CDK12: variants seen among roughly 807,000 people sequenced by gnomAD.
CDK12 encodes the protein cyclin dependent kinase 12, also known as cyclin-dependent kinase 12.
CDK12 carries 17 observed loss-of-function variants against 133.8 expected under a neutral mutation model. The ratio of observed to expected loss-of-function variants is 0.13; its 90% confidence interval spans 0.09 to 0.19. The LOEUF (loss-of-function observed/expected upper bound fraction) is 0.19, where lower values mean the gene tolerates loss of function less well. Ranked by LOEUF, CDK12 falls within the 10% of genes least tolerant of loss-of-function variation. The probability of loss-of-function intolerance (pLI) is 1.00; values close to 1 mark genes in which losing one functional copy is unlikely to be tolerated. For synonymous variants in CDK12, 694 were observed against 683.6 expected, an observed-to-expected ratio of 1.02 and a Z score of -0.24; for missense variants, 1,508 against 1,818.7, an observed-to-expected ratio of 0.83 and a Z score of 3.11.
chr17:39,488,110 C>T (rs188121901), intron 2 of CDK12, among the ~76,000 whole-genome samples: 138 of 151,844 alleles, frequency 9.1e-4, no homozygotes, highest in African/African-American at 3.0e-3. Flanking sequence ...TGGTGTGTGC[C>T]GTGGTCCCAG....
chr17:39,559,432 T>C (rs978332213), intron 3 of CDK12, among the ~76,000 whole-genome samples: 8 of 152,270 alleles, frequency 5.3e-5, no homozygotes, highest in African/African-American at 1.7e-4. Flanking sequence ...AGCTGAACAG[T>C]TCTAACACAA....
intron 5 of CDK12, among the ~76,000 whole-genome samples, chr17:39,498,216 T>TG (rs1282308957): frequency 6.6e-6 from 1 of 151,402 alleles, no homozygotes; most frequent in Non-Finnish European, 1.5e-5. Flanking sequence ...CTGGTCTTTT[T>TG]GTTTTGTTTT....
chr17:39,541,087 A>G (rs1264243325), intron 1 of CDK12, among the ~76,000 whole-genome samples: 13 of 152,026 alleles, frequency 8.6e-5, no homozygotes, highest in Non-Finnish European at 1.9e-4. Flanking sequence ...GTATATGGAC[A>G]TTGATTGAAC....
chr17:39,559,115 C>T (rs2056273112), intron 3 of CDK12, among the ~76,000 whole-genome samples: 1 of 152,126 alleles, frequency 6.6e-6, no homozygotes, highest in African/African-American at 2.4e-5. Context: ...GCCCCTTTTC[C>T]CTCCTATACC....
At chr17:39,486,971 G>C (rs1220154295) in intron 2 of CDK12, among the ~76,000 whole-genome samples, 5 of 152,074 alleles carry the variant, frequency 3.3e-5, no homozygotes, top group African/African-American at 1.2e-4. Flanking sequence ...TTGCACCACT[G>C]TACTCCAACC....
chr17:39,494,275 G>A (rs528875264), intron 4 of CDK12, among the ~76,000 whole-genome samples: 2 of 152,216 alleles, frequency 1.3e-5, no homozygotes, highest in South Asian at 2.1e-4. Context: ...GTTTCACCAC[G>A]TTGGCTAGGC....
At chr17:39,474,650 C>T (rs1427763909) in intron 2 of CDK12, among the ~76,000 whole-genome samples, 1 of 151,922 alleles carries the variant, frequency 6.6e-6, no homozygotes, top group African/African-American at 2.4e-5. Flanking sequence ...CATTGCAGCC[C>T]TCTGGGTGAG....
chr17:39,482,015 C>CATTTTTTTTTTTTTTTTTT lies in CDK12; in HGVS notation c.1932-8542_1932-8541insATTTTTTTTTTTTTTTTTT, dbSNP rs773073791. Among the ~76,000 whole-genome samples the CATTTTTTTTTTTTTTTTTT allele has an allele frequency of 1.3e-3, 126 of 96,242 alleles. 33 individuals carry two copies. The highest frequency in any genetic ancestry group is 1.8e-3 in the Non-Finnish European group (83 of 45,168). The allele number at this position is 96,242 out of a possible 152,430, so 63.1% of individuals were successfully genotyped here. A position where few individuals can be genotyped will look rare whatever the true frequency, so the allele number is the denominator to read the frequency against. On this transcript the variant is annotated intron_variant, in intron 2 of 13. Transcript: ENST00000447079. ...GATTACAGGCATGAGCCTGGCTTGC[C>CATTTTTTTTTTTTTTTTTT]TTTTTTTTTTTTTTTTAACAGAGTT...
chr17:39,498,865 A>T (rs1419585870), intron 5 of CDK12, among the ~76,000 whole-genome samples: 1 of 145,648 alleles, frequency 6.9e-6, no homozygotes, highest in Non-Finnish European at 1.5e-5. Context: ...TTTTAATACT[A>T]TGATTTTCTC....
chr17:39,494,395 T>G, intron 4 of CDK12, 129 bp from the exon 5 acceptor site: 1 of 732,078 alleles, frequency 1.4e-6, no homozygotes, highest in East Asian at 2.7e-5. Context: ...TTTAAAGGTG[T>G]ATAAGTATCT....
downstream of CDK12, among the ~76,000 whole-genome samples, chr17:39,566,453 C>T (rs548946418): frequency 2.2e-4 from 33 of 152,244 alleles, no homozygotes; most frequent in African/African-American, 7.7e-4. Flanking sequence ...CCTCTGGCCT[C>T]TAGTTTTCGG....
At chr17:39,480,977 G>T (rs1235230044) in intron 2 of CDK12, among the ~76,000 whole-genome samples, 2 of 152,110 alleles carry the variant, frequency 1.3e-5, no homozygotes, top group Non-Finnish European at 2.9e-5. Flanking sequence ...TAACCAGCCG[G>T]GAGTGGTGGA....
chr17:39,472,249 G>T (rs1446182381), intron 2 of CDK12, among the ~76,000 whole-genome samples: 1 of 152,032 alleles, frequency 6.6e-6, no homozygotes, highest in Admixed American at 6.6e-5. Context: ...CTGCCAAAGT[G>T]CTGGGATTAC....
At chr17:39,536,208 TCTCCCCA>T (rs1163860866), downstream of CDK12, among the ~76,000 whole-genome samples, 2 of 152,104 alleles carry the variant, frequency 1.3e-5, no homozygotes, top group African/African-American at 4.8e-5. Flanking sequence ...TATTTCTCTT[TCTCCCCA>T]CTCACCATTC....
At position 39,551,586 on chromosome 17, in the gene CDK12, C is replaced by T. The variant is rs547350568; in HGVS notation, n.356+444C>T. On this transcript the variant is annotated intron_variant and non_coding_transcript_variant, in intron 2 of 3. Coordinates refer to the CDK12 transcript ENST00000558240. ...AAATGTGTTAAGGAGTAGTCTTATA[C>T]GTCTTGTCCCATGGCAAAGCCTAGA... Among the ~76,000 whole-genome samples, 11 of 152,206 alleles carry T rather than the reference C, an allele frequency of 7.2e-5. No homozygotes were observed. The South Asian group carries it at 1.2e-3, about 17-fold the overall frequency.
chr17:39,520,639 G>C lies in CDK12; in HGVS notation c.3095+552G>C, dbSNP rs568465594. Among the ~76,000 whole-genome samples, 11 of 151,988 alleles carry C rather than the reference G, an allele frequency of 7.2e-5. 1 individual carries two copies. In the South Asian group the frequency reaches 2.3e-3, roughly 32 times the overall value. ...CTCCTGACCTCAGGTGACCCACCCT[G>C]GCCTCCGAAAGTGCTGGGATTACAG... On this transcript the variant is annotated intron_variant, in intron 11 of 13. Transcript: ENST00000447079.
intron 2 of CDK12, among the ~76,000 whole-genome samples, chr17:39,478,978 C>T (rs1052071640): frequency 6.6e-6 from 1 of 151,982 alleles, no homozygotes; most frequent in African/African-American, 2.4e-5. Context: ...CTATCTTTGA[C>T]ATGAAAAGTA....
downstream of CDK12, among the ~76,000 whole-genome samples, chr17:39,536,282 TAG>T: frequency 6.6e-6 from 1 of 152,206 alleles, no homozygotes; most frequent in East Asian, 1.9e-4. Context: ...ACCAGGTATT[TAG>T]AGTTACTGCT....
In CDK12 at chr17:39,471,165, A is replaced by G. The variant is rs2049762879; in HGVS notation, c.1333A>G (p.Lys445Glu). 6.3e-7 allele frequency: 1 copy of G among 1,581,284 alleles called. No individual in the cohort carries two copies. Among genetic ancestry groups the G allele is most frequent in the Non-Finnish European group, 8.6e-7 (1 of 1,168,224 alleles). Residue 445 changes from lysine to glutamate, a missense_variant, in exon 2 of 14, where the codon AAA (lysine) becomes GAA (glutamate). This residue lies in a region of CDK12 where 347 missense variants were observed against 330.8 expected (regional missense o/e 1.05). Coordinates refer to ENST00000447079, the MANE Select transcript of CDK12 (RefSeq NM_016507.4). ...GGCTAAGGATTCAGGTTTGGAGTCT[A>G]AAAAGTTACCCAGAAGTGTAAAATT... is the stretch of plus-strand genomic sequence containing the variant. ...VEAKDSGLES[K>E]KLPRSVKLEK...
Sources: allele counts gnomAD v4.1 joint callset (sites outside exome capture counted in the v4.1 genomes callset), GRCh38; gene constraint gnomAD v4.1.1; regional missense constraint gnomAD v4.1.1; transcripts MANE v1.5; gene names NCBI Gene and HGNC (gene_info 2026-07-23, HGNC 2026-07-21).